Variants in KMT2A observed in about 807,000 individuals in gnomAD.
KMT2A encodes lysine methyltransferase 2A.
A neutral mutation model predicts 345.3 loss-of-function variants in KMT2A; 16 were observed. The ratio of observed to expected loss-of-function variants is 0.05; its 90% CI spans 0.03 to 0.07. KMT2A has a LOEUF of 0.07. Among genes scored for constraint, KMT2A ranks in the 10% least tolerant of loss-of-function variants. The pLI is 1.00. For missense variants in KMT2A, 3,272 were observed against 4,841.6 expected (o/e 0.68, Z 9.62); for synonymous variants, 1,599 against 1,778.6 (o/e 0.90, Z 2.54).
Position 118,484,879 on chromosome 11 carries a change from A to G in KMT2A, c.4236A>G (p.Glu1412=). The change falls in exon 10 of 36, where the codon GAA becomes GAG. Residue 1412 remains glutamate, a synonymous_variant. Coordinates refer to ENST00000534358, the MANE Select transcript of KMT2A (RefSeq NM_001197104.2). The surrounding 1 kb of genome is among the most constrained non-coding windows in gnomAD (Gnocchi z 4.1). ...CTCCACAGGAGGATTGTGAAGCAGAAAATGTGTGGGAGATGGGAGGCTTAG... is the reference window on the plus strand; with the variant it reads ...CTCCACAGGAGGATTGTGAAGCAGAGAATGTGTGGGAGATGGGAGGCTTAG... The part of the protein sequence containing the change: ...RVDFKEDCEA[E]NVWEMGGLGI... 1 of 1,613,718 alleles carries G rather than the reference A, an allele frequency of 6.2e-7. No individual in the cohort carries two copies. The highest frequency in any genetic ancestry group is 8.5e-7 in the Non-Finnish European group (1 of 1,179,634).
chr11:118,486,312 A>G (rs1014465146), intron 10 of KMT2A, among the ~76,000 whole-genome samples: 2 of 151,974 alleles, frequency 1.3e-5, no homozygotes, highest in Non-Finnish European at 2.9e-5. Flanking sequence ...ACAATCTGGA[A>G]GGATTCACAC....
intron 10 of KMT2A, among the ~76,000 whole-genome samples, chr11:118,486,076 C>G (rs1555040798): frequency 1.3e-5 from 2 of 151,802 alleles, no homozygotes; most frequent in Admixed American, 1.3e-4. Context: ...GAGCAAGACT[C>G]CGTCTCAAAA....
chr11:118,517,254 G>A (rs1950835785), intron 31 of KMT2A, among the ~76,000 whole-genome samples: 1 of 151,900 alleles, frequency 6.6e-6, no homozygotes, highest in South Asian at 2.1e-4. Flanking sequence ...AAATTAGCCA[G>A]GCGTGGTGGC....
At position 118,491,688 on chromosome 11, in the gene KMT2A, C is replaced by T; in HGVS notation, c.4820-56C>T. ...AAGTTCAGTGGAATAGTTTCCTCTT[C>T]TTCCTCTCTCTCATTCTTCAGAGGA... On this transcript the variant is annotated intron_variant, in intron 14 of 35. Transcript: ENST00000534358. The surrounding 1 kb of genome is among the most constrained non-coding windows in gnomAD (Gnocchi z 4.2). The T allele has an allele frequency of 1.5e-6, 2 of 1,351,290 alleles. No individual in the cohort carries two copies. Among genetic ancestry groups the T allele is most frequent in the Admixed American group, 2.2e-5 (1 of 44,824 alleles). The allele number at this position is 1,351,290 out of a possible 1,614,324, so 83.7% of individuals were successfully genotyped here.
intron 1 of KMT2A, among the ~76,000 whole-genome samples, chr11:118,460,909 C>G (rs1248433407): frequency 3.9e-5 from 6 of 152,206 alleles, no homozygotes; most frequent in African/African-American, 1.4e-4. Flanking sequence ...GCCTTAGATA[C>G]TTCTTGGGAG....
Position 118,505,905 on chromosome 11 carries a change from C to G in KMT2A, c.10013C>G (p.Ala3338Gly). ...ACATCAGGGTCTGTGTCTGGCTTGG[C>G]ATCCAGTTCCTCTGTCTTGAATGTT... is the stretch of plus-strand genomic sequence containing the variant. ...HLTSGSVSGL[A>G]SSSSVLNVVS... The change falls in exon 27 of 36, where the codon GCA becomes GGA. Residue 3338 changes from alanine (A) to glycine (G), a missense_variant. By Grantham distance (60) the Ala-to-Gly change is moderately conservative. Transcript: ENST00000534358. The surrounding 1 kb of genome is among the most constrained non-coding windows in gnomAD (Gnocchi z 4.6). 1 of 1,614,202 alleles carries G rather than the reference C, an allele frequency of 6.2e-7. No individual in the cohort carries two copies. Among genetic ancestry groups the G allele is most frequent in the Non-Finnish European group, 8.5e-7 (1 of 1,180,046 alleles).
chr11:118,505,685 C>G lies in KMT2A; in HGVS notation c.9793C>G (p.Leu3265Val). The G allele has an allele frequency of 1.2e-6, 2 of 1,614,196 alleles. No homozygotes were observed. The highest frequency in any genetic ancestry group is 2.2e-5 in the South Asian group (2 of 91,080). ...MTLINFTPSQ[L>V]PNHPSLLDLG... is the part of the protein sequence containing the mutation. ...ATTGATTAACTTCACACCCTCCCAGCTTCCTAATCATCCAAGTCTGTTAGA... is the reference window on the plus strand; with the variant it reads ...ATTGATTAACTTCACACCCTCCCAGGTTCCTAATCATCCAAGTCTGTTAGA... The change falls in exon 27 of 36, where the codon CTT becomes GTT. Residue 3265 changes from leucine (L) to valine (V), a missense_variant. By Grantham distance (32) the Leu-to-Val change is conservative. Transcript: ENST00000534358. This position sits in a 1 kb window ranked among gnomAD's most constrained non-coding sequence, Gnocchi z 4.6.
At chr11:118,452,110 T>G (rs569629079) in intron 1 of KMT2A, among the ~76,000 whole-genome samples, 1 of 152,218 alleles carries the variant, frequency 6.6e-6, no homozygotes, top group South Asian at 2.1e-4. Flanking sequence ...GGCATAATCA[T>G]CATGTATTAC....
At chr11:118,438,940 C>A in intron 1 of KMT2A, 1 of 427,092 alleles carries the variant, frequency 2.3e-6, no homozygotes, top group Non-Finnish European at 4.7e-6. Flanking sequence ...AAGGCAGCTG[C>A]AGTCAGCAGG....
At chr11:118,443,241 C>G (rs1680859602) in intron 1 of KMT2A, among the ~76,000 whole-genome samples, 1 of 152,124 alleles carries the variant, frequency 6.6e-6, no homozygotes, top group Non-Finnish European at 1.5e-5. Flanking sequence ...TTTTGCCCCT[C>G]AATAAAGTCT....
chr11:118,468,124 C>T (rs1949879994), intron 1 of KMT2A, among the ~76,000 whole-genome samples: 1 of 152,058 alleles, frequency 6.6e-6, no homozygotes, highest in Admixed American at 6.6e-5. Flanking sequence ...AGGATTTCAT[C>T]CTATATGCAG....
chr11:118,460,587 G>A (rs1949727784), intron 1 of KMT2A, among the ~76,000 whole-genome samples: 2 of 152,300 alleles, frequency 1.3e-5, no homozygotes, highest in South Asian at 2.1e-4. Context: ...ACCACACCCA[G>A]CCTTCAAGAG....
chr11:118,453,251 G>T, intron 1 of KMT2A, among the ~76,000 whole-genome samples: 1 of 152,040 alleles, frequency 6.6e-6, no homozygotes, highest in East Asian at 1.9e-4. Flanking sequence ...AACTACTCCA[G>T]TTGGGCTTTT....
At chr11:118,516,429 C>T (rs1379302044) in intron 31 of KMT2A, among the ~76,000 whole-genome samples, 4 of 152,000 alleles carry the variant, frequency 2.6e-5, no homozygotes, top group African/African-American at 9.7e-5. Flanking sequence ...TGAATAGCCA[C>T]GGCACCAGCT....
chr11:118,519,188 T>G (rs536639703), intron 31 of KMT2A, among the ~76,000 whole-genome samples: 1 of 152,164 alleles, frequency 6.6e-6, no homozygotes, highest in South Asian at 2.1e-4. Context: ...TTTGTAGTTA[T>G]GCAGTCCAGA....
Position 118,502,939 on chromosome 11 carries a change from T to C in KMT2A, c.7047T>C (p.Ser2349=). The C allele has an allele frequency of 6.2e-7, 1 of 1,614,190 alleles. No individual in the cohort carries two copies. The highest frequency in any genetic ancestry group is 8.5e-7 in the Non-Finnish European group (1 of 1,180,030). Residue 2349 remains serine, a synonymous_variant, in exon 27 of 36, where the codon AGT becomes AGC. Coordinates refer to ENST00000534358, the MANE Select transcript of KMT2A (RefSeq NM_001197104.2). This position sits in a 1 kb window ranked among gnomAD's most constrained non-coding sequence, Gnocchi z 4.9. ...HNTTSRELNV[S]KIGSFAEPSS... ...CAACATCTAGAGAACTGAATGTTAG[T>C]AAAATCGGCTCCTTTGCTGAACCCT...
chr11:118,477,098 C>A, intron 4 of KMT2A, 116 bp downstream of exon 4: 1 of 930,462 alleles, frequency 1.1e-6, no homozygotes, highest in Admixed American at 2.4e-5. Flanking sequence ...AAACAGATGG[C>A]AAGAGGGGAT....
At chr11:118,474,881 T>C (rs2134275707) in intron 3 of KMT2A, among the ~76,000 whole-genome samples, 1 of 152,226 alleles carries the variant, frequency 6.6e-6, no homozygotes, top group Non-Finnish European at 1.5e-5. Flanking sequence ...TCCCATCACT[T>C]TGGGAGGCCA....
intron 31 of KMT2A, 160 bp downstream of exon 31, chr11:118,512,185 C>T (rs1458012650): frequency 1.6e-6 from 1 of 622,848 alleles, no homozygotes; most frequent in South Asian, 2.0e-5. Flanking sequence ...CCATCTAAAG[C>T]ATACAATTCA....
Sources: gnomAD v4.1 joint callset for allele counts (sites outside exome capture counted in the v4.1 genomes callset) on GRCh38, gnomAD v4.1.1 for gene constraint, Gnocchi (gnomAD v3.1) non-coding constraint, MANE v1.5 for transcripts, NCBI Gene and HGNC (gene_info 2026-07-23, HGNC 2026-07-21) for gene names.